The following DNAJC21 variants were observed in gnomAD, a reference collection of about 807,000 sequenced individuals.
DNAJC21 encodes dnaJ homolog subfamily C member 21.
A neutral mutation model predicts 72.4 loss-of-function variants in DNAJC21; 63 were observed. That is an observed-to-expected ratio of 0.87 (90% CI 0.71 to 1.07). DNAJC21 has a LOEUF of 1.07. Among genes scored for constraint, DNAJC21 ranks in the 50% least tolerant of loss-of-function variants. The probability of loss-of-function intolerance (pLI) is 0.00; values close to 1 mark genes in which losing one functional copy is unlikely to be tolerated. For synonymous variants in DNAJC21, 203 were observed against 216.7 expected, an observed-to-expected ratio of 0.94 and a Z score of 0.56; for missense variants, 634 against 644.8, an observed-to-expected ratio of 0.98 and a Z score of 0.18.
Position 34,950,441 on chromosome 5 carries a change from C to G in DNAJC21, c.1358+99C>G, listed in dbSNP as rs948413219. 1.8e-5 allele frequency: 26 copies of G among 1,469,928 alleles called. No homozygotes were observed. In the African/African-American group the frequency reaches 3.4e-4, roughly 19 times the overall value. 91.1% of individuals were successfully genotyped at this position (1,469,928 alleles called of 1,614,324 possible). A position where few individuals can be genotyped will look rare whatever the true frequency, so the allele number is the denominator to read the frequency against. The stretch of plus-strand genomic sequence containing the variant: ...TAAAATCTTCTTTCCCATGACTGAC[C>G]AGGTAATTTAGATGTATCTGTACAT... On this transcript the variant is annotated intron_variant, in intron 10 of 11. Transcript: ENST00000648817.
At position 34,937,607 on chromosome 5, in the gene DNAJC21, G is replaced by T. The variant is rs781186970; in HGVS notation, c.720G>T (p.Arg240=). The T allele has an allele frequency of 1.7e-5, 28 of 1,612,820 alleles. No homozygotes were observed. Among genetic ancestry groups the T allele is most frequent in the Middle Eastern group, 3.3e-4 (2 of 6,052 alleles). ...EKARKAEEMR[R]QQKLKQAKLV... is the part of the protein sequence containing the mutation. ...CGAGGAAAGCCGAAGAGATGAGGCG[G>T]CAGCAGAAGCTAAAGCAGGCCAAGT... The change falls in exon 5 of 12, where the codon CGG becomes CGT. Residue 240 remains arginine (R), a synonymous_variant. Coordinates refer to ENST00000648817, the MANE Select transcript of DNAJC21 (RefSeq NM_001012339.3).
chr5:34,954,724 C>T lies in DNAJC21; in HGVS notation c.*10C>T. 6.4e-7 allele frequency: 1 copy of T among 1,565,460 alleles called. No homozygotes were observed. Among genetic ancestry groups the T allele is most frequent in the Non-Finnish European group, 8.7e-7 (1 of 1,155,938 alleles). ...ACGTAAAAACAGATAGAGATTCTGC[C>T]TGTGCTTTTGTTTGACTGTCTCTAG... On this transcript the variant is annotated 3_prime_UTR_variant, in exon 12 of 12. Transcript: ENST00000648817.
rs771594374 is a variant in DNAJC21 at position 34,933,942 on chromosome 5, A to G, written c.191+34A>G. ...CACGCTGTCCTTCCCATCCTAGTTT[A>G]TGATGTTGGGAGCAGTTATCAATAT... is the stretch of plus-strand genomic sequence containing the variant. On this transcript the variant is annotated intron_variant, in intron 2 of 11. Coordinates refer to ENST00000648817, the MANE Select transcript of DNAJC21 (RefSeq NM_001012339.3). The G allele has an allele frequency of 3.1e-6, 5 of 1,594,378 alleles. No individual in the cohort carries two copies. The South Asian group carries it at 3.4e-5, about 11-fold the overall frequency.
chr5:34,939,180 A>G (rs1764900506), intron 6 of DNAJC21, among the ~76,000 whole-genome samples, 171 bp downstream of exon 6: 1 of 152,250 alleles, frequency 6.6e-6, no homozygotes, highest in African/African-American at 2.4e-5. Context: ...TTGATTAACA[A>G]ATTCTTTTCT....
chr5:34,953,965 A>G lies in DNAJC21; in HGVS notation c.1398A>G (p.Lys466=), dbSNP rs765946570. 7 of 1,612,412 alleles carry G rather than the reference A, an allele frequency of 4.3e-6. No individual in the cohort carries two copies. The South Asian group carries it at 7.7e-5, about 18-fold the overall frequency. ...AAGGAAAGAAAACCAAAGATATGAA[A>G]AAACCTGTCAGAGTACCTGCTGAAC... ...KPKGKKTKDM[K]KPVRVPAEPQ... The change falls in exon 11 of 12, where the codon AAA becomes AAG. Residue 466 remains lysine, a synonymous_variant. Transcript: ENST00000648817.
At chr5:34,941,560 CTTTTTTTT>C (rs765889955) in intron 7 of DNAJC21, among the ~76,000 whole-genome samples, 3 of 76,108 alleles carry the variant, frequency 3.9e-5, no homozygotes, top group South Asian at 1.1e-3. Flanking sequence ...CTTGTGTTTT[CTTTTTTTT>C]TTTTTTTTTT....
At position 34,935,632 on chromosome 5, in the gene DNAJC21, ATAT is replaced by A. The variant is rs1226801535; in HGVS notation, c.192-76_192-74del. ...CAACAACCAAAAATGTACAATAATA[ATAT>A]TCAAAAGGAGCAAGAAATCCTTTTG... On this transcript the variant is annotated intron_variant, in intron 2 of 11. Coordinates refer to ENST00000648817, the MANE Select transcript of DNAJC21 (RefSeq NM_001012339.3). 14 of 1,580,510 alleles carry A rather than the reference ATAT, an allele frequency of 8.9e-6. No homozygotes were observed. The East Asian group carries it at 3.2e-4, about 36-fold the overall frequency.
rs189201574 is a variant in DNAJC21, at chr5:34,941,115, C to T, written c.915C>T (p.Ala305=). ...DEEDGKDSDE[A]EDAELYDDLY... Reference sequence around the variant, plus strand: ...TCATAGGTAAAGACAGTGATGAGGCCGAGGACGCTGAGCTCTATGATGACC... The same window carrying T: ...TCATAGGTAAAGACAGTGATGAGGCTGAGGACGCTGAGCTCTATGATGACC... Residue 305 remains alanine (A), a synonymous_variant, in exon 7 of 12, where the codon GCC becomes GCT. Transcript: ENST00000648817. 163 of 1,613,972 alleles carry T rather than the reference C, an allele frequency of 1.0e-4. No homozygotes were observed. Among genetic ancestry groups the T allele is most frequent in the Admixed American group, 4.7e-4 (28 of 60,012 alleles).
intron 8 of DNAJC21, 53 bp downstream of exon 8, chr5:34,945,078 C>T: frequency 6.3e-7 from 1 of 1,581,190 alleles, no homozygotes; most frequent in Non-Finnish European, 8.6e-7. Flanking sequence ...TCAGAGATTG[C>T]ATTAAAAGGT....
chr5:34,951,423 G>C (rs1206665317), intron 10 of DNAJC21: 1 of 985,372 alleles, frequency 1.0e-6, no homozygotes, highest in East Asian at 1.1e-4. Flanking sequence ...ACTCCATGGA[G>C]CCTGTGTGTC....
At chr5:34,941,560 C>CTTTTTTTTTTTTT (rs765889955) in intron 7 of DNAJC21, among the ~76,000 whole-genome samples, 1 of 76,090 alleles carries the variant, frequency 1.3e-5, no homozygotes, top group Non-Finnish European at 2.4e-5. Context: ...CTTGTGTTTT[C>CTTTTTTTTTTTTT]TTTTTTTTTT....
At chr5:34,953,030 A>G (rs1765428683) in intron 10 of DNAJC21, among the ~76,000 whole-genome samples, 3 of 151,918 alleles carry the variant, frequency 2.0e-5, no homozygotes, top group Non-Finnish European at 2.9e-5. Flanking sequence ...CGTGCCTGTA[A>G]TCCCAGCTAT....
chr5:34,939,813 T>C (rs1764928932), intron 6 of DNAJC21, among the ~76,000 whole-genome samples: 1 of 152,154 alleles, frequency 6.6e-6, no homozygotes, highest in Non-Finnish European at 1.5e-5. Context: ...TAGCTGTATA[T>C]CTGATTTTCC....
At chr5:34,937,954 T>G (rs1764849673) in intron 5 of DNAJC21, among the ~76,000 whole-genome samples, 1 of 152,052 alleles carries the variant, frequency 6.6e-6, no homozygotes, top group Non-Finnish European at 1.5e-5. Flanking sequence ...TATGCCACCA[T>G]GCCCAGCTAA....
chr5:34,936,195 C>G lies in DNAJC21; in HGVS notation c.367C>G (p.Leu123Val), dbSNP rs768867379. The change falls in exon 4 of 12, where the codon CTA (leucine) becomes GTA (valine). Residue 123 changes from leucine (L) to valine (V), a missense_variant. Transcript: ENST00000648817. ...TTTTGAAATGATTGCCAAGGAAGAA[C>G]TAGAATCTGTGTTAGAGGAAGAGGT... ...NVFEMIAKEELESVLEEEVDD... is the reference protein window; with the variant it reads ...NVFEMIAKEEVESVLEEEVDD... 2 of 1,614,010 alleles carry G rather than the reference C, an allele frequency of 1.2e-6. No individual in the cohort carries two copies. Among genetic ancestry groups the G allele is most frequent in the Admixed American group, 1.7e-5 (1 of 60,012 alleles).
Position 34,937,646 on chromosome 5 carries a change from G to A in DNAJC21, c.743+16G>A, listed in dbSNP as rs529521658. 107 of 1,599,652 alleles carry A rather than the reference G, an allele frequency of 6.7e-5. 1 individual carries two copies. The East Asian group carries it at 1.8e-3, about 27-fold the overall frequency. ...AGCAGGCCAAGTGCGTAGCGTGCGT[G>A]GGGCCCTCTTCTCAGTATCGGTGGG... On this transcript the variant is annotated intron_variant, in intron 5 of 11. Transcript: ENST00000648817.
intron 11 of DNAJC21, chr5:34,954,297 C>T (rs929394559): frequency 4.1e-6 from 2 of 483,292 alleles, no homozygotes; most frequent in Non-Finnish European, 7.1e-6. Flanking sequence ...AATTGTGAAG[C>T]ATAAACTCTT....
intron 7 of DNAJC21, among the ~76,000 whole-genome samples, chr5:34,944,484 G>A (rs1329951306): frequency 6.6e-6 from 1 of 152,152 alleles, no homozygotes; most frequent in Admixed American, 6.5e-5. Flanking sequence ...GAAAACAATG[G>A]CGGAAGCTTT....
chr5:34,931,808 A>G (rs923122544), intron 1 of DNAJC21, among the ~76,000 whole-genome samples: 20 of 152,158 alleles, frequency 1.3e-4, no homozygotes, highest in Non-Finnish European at 2.6e-4. Flanking sequence ...GGGAAAGCGC[A>G]AGGGGAGGAG....
Sources: gnomAD v4.1 joint callset for allele counts (sites outside exome capture counted in the v4.1 genomes callset) on GRCh38, gnomAD v4.1.1 for gene constraint, MANE v1.5 for transcripts, NCBI Gene and HGNC (gene_info 2026-07-23, HGNC 2026-07-21) for gene names.